The following RIT2 variants were observed in gnomAD, a reference collection of about 807,000 sequenced individuals.
RIT2 encodes the protein GTP-binding protein Rit2.
Under a neutral mutation model 23.7 loss-of-function variants are expected in RIT2, and 24 were observed. The observed-to-expected ratio is 1.01, with a 90% CI of 0.73 to 1.43. RIT2 has a LOEUF of 1.43. RIT2 is among the 40% of genes most tolerant of loss of function. The pLI is 0.00. For missense variants in RIT2, 236 were observed against 266.9 expected (o/e 0.88, Z 0.81); for synonymous variants, 107 against 91.1 (o/e 1.17, Z -0.99).
At chr18:42,931,615 G>T (rs866585123) in intron 3 of RIT2, among the ~76,000 whole-genome samples, 3 of 152,208 alleles carry the variant, frequency 2.0e-5, no homozygotes, top group South Asian at 4.1e-4. Flanking sequence ...GACCGCCTCT[G>T]GGGGGTACAA....
At chr18:42,964,518 C>T (rs1349770852) in intron 3 of RIT2, among the ~76,000 whole-genome samples, 1 of 152,098 alleles carries the variant, frequency 6.6e-6, no homozygotes, top group African/African-American at 2.4e-5. Context: ...GACACAATGC[C>T]TATTTGATTT....
At chr18:42,986,708 G>T (rs1910718539) in intron 2 of RIT2, among the ~76,000 whole-genome samples, 2 of 151,534 alleles carry the variant, frequency 1.3e-5, no homozygotes, top group Non-Finnish European at 2.9e-5. Context: ...CACCATGTTG[G>T]TCAGGCTGGT....
intron 4 of RIT2, among the ~76,000 whole-genome samples, chr18:42,806,495 T>G (rs1223982461): frequency 6.6e-6 from 1 of 151,980 alleles, no homozygotes; most frequent in Non-Finnish European, 1.5e-5. Flanking sequence ...AAAAAAGAAT[T>G]TATTTTTACT....
At chr18:42,894,128 G>C (rs975597986) in intron 4 of RIT2, among the ~76,000 whole-genome samples, 1 of 152,176 alleles carries the variant, frequency 6.6e-6, no homozygotes, top group African/African-American at 2.4e-5. Context: ...CATCACTCCT[G>C]TCACCTCCCT....
chr18:42,761,368 C>A (rs930290460), intron 4 of RIT2, among the ~76,000 whole-genome samples: 1 of 152,110 alleles, frequency 6.6e-6, no homozygotes, highest in African/African-American at 2.4e-5. Context: ...ATAAAGAAAT[C>A]CCTAAGCATT....
chr18:42,863,098 T>C (rs113415905), intron 4 of RIT2, among the ~76,000 whole-genome samples: 1,624 of 151,978 alleles, frequency 0.011, 11 homozygotes, highest in Non-Finnish European at 0.017. Context: ...TTTTATCCAA[T>C]GAATAGAGCA....
chr18:42,851,747 G>T (rs1907060193), intron 4 of RIT2, among the ~76,000 whole-genome samples: 1 of 152,188 alleles, frequency 6.6e-6, no homozygotes, highest in African/African-American at 2.4e-5. Context: ...CTACTCCAGA[G>T]GCTGAGGCAG....
At chr18:42,969,191 T>C (rs2144197512) in intron 3 of RIT2, among the ~76,000 whole-genome samples, 1 of 152,278 alleles carries the variant, frequency 6.6e-6, no homozygotes, top group African/African-American at 2.4e-5. Flanking sequence ...AGCTCTTGAT[T>C]TGGAATTTTA....
At chr18:42,869,545 C>CCTTAA (rs1907564154) in intron 4 of RIT2, among the ~76,000 whole-genome samples, 1 of 152,174 alleles carries the variant, frequency 6.6e-6, no homozygotes, top group East Asian at 1.9e-4. Flanking sequence ...TATGGTCTTG[C>CCTTAA]CTTTATCATC....
At chr18:43,080,787 T>C in intron 1 of RIT2, among the ~76,000 whole-genome samples, 1 of 152,196 alleles carries the variant, frequency 6.6e-6, no homozygotes, top group East Asian at 1.9e-4. Context: ...TTAACATCAC[T>C]TGCTGCCACT....
chr18:43,026,628 GAAAGAAAGAGAGAA>G (rs1568059921), intron 2 of RIT2, among the ~76,000 whole-genome samples: 1 of 136,582 alleles, frequency 7.3e-6, no homozygotes, highest in Non-Finnish European at 1.6e-5. Context: ...AAGAAAGAAA[GAAAGAAAGAGAGAA>G]AGAAGGAAAG....
intron 4 of RIT2, among the ~76,000 whole-genome samples, chr18:42,904,054 G>A (rs1189080814): frequency 6.6e-6 from 1 of 151,934 alleles, no homozygotes; most frequent in East Asian, 1.9e-4. Context: ...ATACTATATA[G>A]GAAGATAAAT....
chr18:42,764,719 G>C (rs909112161), intron 4 of RIT2, among the ~76,000 whole-genome samples: 16 of 152,272 alleles, frequency 1.1e-4, no homozygotes, highest in Admixed American at 9.8e-4. Flanking sequence ...AATATTTTTT[G>C]AATGGATTGG....
chr18:42,942,754 C>G (rs888365186), intron 3 of RIT2, among the ~76,000 whole-genome samples: 1 of 152,012 alleles, frequency 6.6e-6, no homozygotes, highest in Non-Finnish European at 1.5e-5. Flanking sequence ...ACCTTGCACC[C>G]TGAGCTGTCA....
chr18:43,026,338 G>A (rs923241024), intron 2 of RIT2, among the ~76,000 whole-genome samples: 6 of 151,950 alleles, frequency 3.9e-5, no homozygotes, highest in Admixed American at 2.0e-4. Context: ...GGTGGATCAC[G>A]AGATCAAGAG....
At chr18:42,746,544 T>C (rs1912921118) in intron 4 of RIT2, among the ~76,000 whole-genome samples, 1 of 152,072 alleles carries the variant, frequency 6.6e-6, no homozygotes, top group Admixed American at 6.6e-5. Flanking sequence ...AGGAAGACAT[T>C]ATACTAATTA....
chr18:43,058,885 G>A (rs1375274797), intron 1 of RIT2, among the ~76,000 whole-genome samples: 1 of 151,976 alleles, frequency 6.6e-6, no homozygotes, highest in African/African-American at 2.4e-5. Context: ...GTGAGACCCT[G>A]TCTCAAGAAA....
At chr18:43,097,621 G>C (rs1225737324) in intron 1 of RIT2, among the ~76,000 whole-genome samples, 3 of 151,912 alleles carry the variant, frequency 2.0e-5, no homozygotes, top group Non-Finnish European at 4.4e-5. Context: ...CTGGAACAAA[G>C]TGTTTGTATA....
At chr18:43,001,127 G>A (rs1385210248) in intron 2 of RIT2, among the ~76,000 whole-genome samples, 1 of 151,792 alleles carries the variant, frequency 6.6e-6, no homozygotes, top group Non-Finnish European at 1.5e-5. Context: ...CAGTGGGATA[G>A]CACTCTGATA....
Sources: gnomAD v4.1 joint callset for allele counts (sites outside exome capture counted in the v4.1 genomes callset) on GRCh38, gnomAD v4.1.1 for gene constraint, MANE v1.5 for transcripts, NCBI Gene and HGNC (gene_info 2026-07-23, HGNC 2026-07-21) for gene names.